Variants in CDK14 observed in about 807,000 individuals in gnomAD.
The protein encoded by CDK14 is cyclin-dependent kinase 14.
In CDK14, 34 loss-of-function variants were observed where a neutral mutation model predicts 60.7. That is an observed-to-expected ratio of 0.56 (90% confidence interval 0.43 to 0.75). The LOEUF is 0.75. Among genes scored for constraint, CDK14 ranks in the 30% least tolerant of loss-of-function variants. The probability of loss-of-function intolerance (pLI) is 0.00; values close to 1 mark genes in which losing one functional copy is unlikely to be tolerated. For synonymous variants in CDK14, 197 were observed against 203.7 expected (o/e 0.97, Z 0.28); for missense variants, 482 against 564.1 (o/e 0.85, Z 1.47).
intron 14 of CDK14, among the ~76,000 whole-genome samples, chr7:91,130,519 A>G (rs1275128932): frequency 2.0e-5 from 3 of 152,160 alleles, no homozygotes; most frequent in Non-Finnish European, 4.4e-5. Context: ...AGTGTCATGC[A>G]TTAACTCTAA....
chr7:90,972,846 T>C (rs1354627679), intron 9 of CDK14, among the ~76,000 whole-genome samples: 2 of 152,198 alleles, frequency 1.3e-5, no homozygotes, highest in Non-Finnish European at 2.9e-5. Flanking sequence ...CCTCAGTACC[T>C]GATTTTGAGA....
chr7:90,658,374 G>A (rs1800794788), intron 2 of CDK14, among the ~76,000 whole-genome samples: 1 of 152,148 alleles, frequency 6.6e-6, no homozygotes, highest in African/African-American at 2.4e-5. Context: ...TACTCAGATG[G>A]TAGAAGGGAT....
In CDK14 at chr7:90,882,621, C is replaced by T. The variant is rs1791801050; in HGVS notation, c.640-16670C>T. On this transcript the variant is annotated intron_variant, in intron 6 of 14. Transcript: ENST00000380050. The stretch of plus-strand genomic sequence containing the variant: ...TAGTAGATATCTACAGAACTCTCTA[C>T]CCCAAATCAACAGAATGTACATTCT... Among the ~76,000 whole-genome samples, 4 of 152,182 alleles carry T rather than the reference C, an allele frequency of 2.6e-5. No homozygotes were observed. The South Asian group carries it at 8.3e-4, about 32-fold the overall frequency.
intron 10 of CDK14, among the ~76,000 whole-genome samples, chr7:91,027,552 A>C (rs961664210): frequency 3.9e-5 from 6 of 152,108 alleles, no homozygotes; most frequent in Admixed American, 3.3e-4. Context: ...TTGACCCACA[A>C]GCTTTTAGGA....
At chr7:90,920,651 A>G (rs1793219977) in intron 8 of CDK14, among the ~76,000 whole-genome samples, 1 of 152,212 alleles carries the variant, frequency 6.6e-6, no homozygotes, top group African/African-American at 2.4e-5. Flanking sequence ...ATTTTCTCTT[A>G]CAGGGCTGCC....
intron 3 of CDK14, among the ~76,000 whole-genome samples, chr7:90,728,080 T>C (rs1292206254): frequency 6.6e-6 from 1 of 152,138 alleles, no homozygotes; most frequent in Non-Finnish European, 1.5e-5. Context: ...CTTAGACTTT[T>C]GAATACCTTG....
chr7:90,919,562 G>A (rs962705898), intron 8 of CDK14, among the ~76,000 whole-genome samples: 8 of 152,032 alleles, frequency 5.3e-5, no homozygotes, highest in East Asian at 1.9e-4. Context: ...CATTTTTCTC[G>A]TTTGTTTTCC....
At chr7:90,717,050 T>C (rs1802273537) in intron 2 of CDK14, among the ~76,000 whole-genome samples, 1 of 152,102 alleles carries the variant, frequency 6.6e-6, no homozygotes, top group Non-Finnish European at 1.5e-5. Flanking sequence ...AACTACATTC[T>C]GAAAAACTTA....
At chr7:91,143,323 C>T (rs932290644) in intron 14 of CDK14, among the ~76,000 whole-genome samples, 6 of 152,190 alleles carry the variant, frequency 3.9e-5, no homozygotes, top group African/African-American at 7.2e-5. Context: ...TTCACTATAG[C>T]GTCAGAACAA....
At position 90,968,494 on chromosome 7, in the gene CDK14, C is replaced by G. The variant is rs139976981; in HGVS notation, c.947+12677C>G. Among the ~76,000 whole-genome samples, 639 of 152,162 alleles carry G rather than the reference C, an allele frequency of 4.2e-3. 2 individuals carry two copies. The highest frequency in any genetic ancestry group is 0.01 in the Middle Eastern group (3 of 294). On this transcript the variant is annotated intron_variant, in intron 9 of 14. Coordinates refer to ENST00000380050, the MANE Select transcript of CDK14 (RefSeq NM_001287135.2). ...TGCTCATCTTTTACTGTGGCGTTTT[C>G]TATTTCTCTGTATTTCTGTGTGAGA... is the stretch of plus-strand genomic sequence containing the variant.
intron 12 of CDK14, among the ~76,000 whole-genome samples, chr7:91,106,284 T>G (rs914822868): frequency 6.6e-5 from 10 of 152,304 alleles, no homozygotes; most frequent in African/African-American, 2.4e-4. Flanking sequence ...AATAATGTCT[T>G]CAGAGGGTTA....
chr7:90,625,861 C>T (rs1451579098), intron 2 of CDK14, among the ~76,000 whole-genome samples: 1 of 152,228 alleles, frequency 6.6e-6, no homozygotes, highest in Admixed American at 6.5e-5. Context: ...GTCTTATTCC[C>T]AAACTGAATC....
chr7:90,863,720 G>C (rs1208194613), intron 6 of CDK14, among the ~76,000 whole-genome samples: 2 of 144,960 alleles, frequency 1.4e-5, no homozygotes, highest in African/African-American at 4.9e-5. Context: ...GTGTAGGAAA[G>C]CCTGATACAA....
intron 8 of CDK14, among the ~76,000 whole-genome samples, chr7:90,940,519 C>T (rs1221272364): frequency 1.3e-5 from 2 of 152,164 alleles, no homozygotes; most frequent in African/African-American, 4.8e-5. Context: ...GGTGCAGTGG[C>T]TCATACCTGT....
At chr7:90,744,479 A>G (rs1803492437) in intron 3 of CDK14, among the ~76,000 whole-genome samples, 1 of 152,208 alleles carries the variant, frequency 6.6e-6, no homozygotes, top group Admixed American at 6.5e-5. Context: ...TTTCTATTCC[A>G]CAAAACCGCC....
intron 7 of CDK14, among the ~76,000 whole-genome samples, chr7:90,902,449 C>G (rs1470181091): frequency 6.6e-6 from 1 of 152,128 alleles, no homozygotes; most frequent in Non-Finnish European, 1.5e-5. Context: ...CCAAATTAAT[C>G]TGCATACCTA....
chr7:90,827,619 C>T (rs996852964), intron 5 of CDK14, among the ~76,000 whole-genome samples: 3 of 152,220 alleles, frequency 2.0e-5, no homozygotes, highest in Non-Finnish European at 2.9e-5. Flanking sequence ...AACCTGTCTT[C>T]TGCCAGTGGG....
intron 6 of CDK14, among the ~76,000 whole-genome samples, chr7:90,883,373 A>T (rs1791827977): frequency 6.6e-6 from 1 of 152,240 alleles, no homozygotes; most frequent in African/African-American, 2.4e-5. Context: ...CCCTGGACAC[A>T]TATACCCTAC....
At chr7:91,065,018 A>G (rs140243923) in intron 11 of CDK14, among the ~76,000 whole-genome samples, 2 of 152,342 alleles carry the variant, frequency 1.3e-5, no homozygotes, top group East Asian at 3.8e-4. Context: ...GACTAACCCC[A>G]CAATGTTATT....
Sources: gnomAD v4.1 joint callset for allele counts (sites outside exome capture counted in the v4.1 genomes callset) on GRCh38, gnomAD v4.1.1 for gene constraint, MANE v1.5 for transcripts, NCBI Gene and HGNC (gene_info 2026-07-23, HGNC 2026-07-21) for gene names.